Variants in POU6F2 observed in about 807,000 individuals in gnomAD.
POU6F2 encodes POU class 6 homeobox 2.
POU6F2 carries 31 observed loss-of-function variants against 71.3 expected under a neutral mutation model. The observed-to-expected ratio is 0.43, with a 90% CI of 0.33 to 0.59. The LOEUF (loss-of-function observed/expected upper bound fraction) is 0.59, where lower values mean the gene tolerates loss of function less well. POU6F2 is among the 20% of genes least tolerant of loss of function. POU6F2 has a pLI of 0.04. For synonymous variants in POU6F2, 347 were observed against 355.7 expected (o/e 0.98, Z 0.27); for missense variants, 783 against 856.8 (o/e 0.91, Z 1.07).
chr7:39,314,995 T>C (rs1392653961), intron 4 of POU6F2, among the ~76,000 whole-genome samples: 1 of 152,220 alleles, frequency 6.6e-6, no homozygotes, highest in East Asian at 1.9e-4. Flanking sequence ...ACCTCTGTGG[T>C]CTTACCTGTA....
At chr7:39,285,152 AT>A (rs1784630707) in intron 4 of POU6F2, among the ~76,000 whole-genome samples, 1 of 151,964 alleles carries the variant, frequency 6.6e-6, no homozygotes, top group Non-Finnish European at 1.5e-5. Flanking sequence ...TAATCAACAA[AT>A]TTTTTTCTAA....
At chr7:39,120,929 C>T (rs1792028361) in intron 2 of POU6F2, 1 of 152,102 alleles carries the variant, frequency 6.6e-6, no homozygotes, top group African/African-American at 2.4e-5. Flanking sequence ...CTTGGTGGCT[C>T]TTTCTAGTCC....
At chr7:39,148,431 T>C (rs1362787720) in intron 2 of POU6F2, among the ~76,000 whole-genome samples, 5 of 152,224 alleles carry the variant, frequency 3.3e-5, no homozygotes, top group African/African-American at 1.2e-4. Flanking sequence ...CATAACCATG[T>C]GCTTGTCCCA....
chr7:39,270,689 G>T (rs1435098401), intron 4 of POU6F2, among the ~76,000 whole-genome samples: 1 of 151,958 alleles, frequency 6.6e-6, no homozygotes, highest in African/African-American at 2.4e-5. Flanking sequence ...ATTTTTGCTG[G>T]TCACTATGAG....
chr7:39,329,932 TTATAA>T (rs1358226424), intron 4 of POU6F2, among the ~76,000 whole-genome samples: 2 of 152,234 alleles, frequency 1.3e-5, no homozygotes, highest in East Asian at 3.8e-4. Context: ...GAATTTGCTG[TTATAA>T]TATAAAATGT....
At chr7:39,371,975 A>G (rs979537564) in intron 5 of POU6F2, among the ~76,000 whole-genome samples, 2 of 152,060 alleles carry the variant, frequency 1.3e-5, no homozygotes, top group African/African-American at 4.8e-5. Context: ...GAGTGCAGTG[A>G]TGCAATCATG....
At chr7:39,203,972 T>G (rs73697515) in intron 2 of POU6F2, among the ~76,000 whole-genome samples, 56,614 of 151,888 alleles carry the variant, frequency 0.37, 10,881 homozygotes, top group South Asian at 0.49. Context: ...TACTTAAAGG[T>G]TGCAGCTTCC....
chr7:39,247,841 T>C (rs1460511480), intron 4 of POU6F2, among the ~76,000 whole-genome samples: 1 of 152,176 alleles, frequency 6.6e-6, no homozygotes, highest in Non-Finnish European at 1.5e-5. Flanking sequence ...GGGCAGCTAA[T>C]AGGTAGGACC....
At chr7:39,406,933 A>G (rs1161911707) in intron 6 of POU6F2, among the ~76,000 whole-genome samples, 193 bp downstream of exon 6, 2 of 151,928 alleles carry the variant, frequency 1.3e-5, no homozygotes, top group East Asian at 1.9e-4. Flanking sequence ...TTTTTTTCCT[A>G]CCTCTAGATT....
intron 1 of POU6F2, among the ~76,000 whole-genome samples, chr7:39,005,562 A>C (rs936354964): frequency 1.5e-5 from 2 of 136,894 alleles, no homozygotes; most frequent in Non-Finnish European, 3.3e-5. Context: ...GCATGTGTGC[A>C]CGTGTATGTA....
intron 7 of POU6F2, among the ~76,000 whole-genome samples, chr7:39,450,463 G>C: frequency 6.6e-6 from 1 of 151,802 alleles, no homozygotes; most frequent in Non-Finnish European, 1.5e-5. Context: ...CAGCTTTCCC[G>C]GAGAAGAAAA....
At chr7:39,007,214 T>A (rs1159295019) in intron 1 of POU6F2, among the ~76,000 whole-genome samples, 1 of 152,246 alleles carries the variant, frequency 6.6e-6, no homozygotes, top group East Asian at 1.9e-4. Context: ...GGAATTTTAT[T>A]TGCTATTTTT....
chr7:39,044,834 G>C (rs1790257773), intron 1 of POU6F2, among the ~76,000 whole-genome samples: 1 of 151,882 alleles, frequency 6.6e-6, no homozygotes, highest in Non-Finnish European at 1.5e-5. Flanking sequence ...AGAAGGCTGT[G>C]ATTTTTTTTT....
chr7:39,238,114 G>A (rs941256615), intron 4 of POU6F2, among the ~76,000 whole-genome samples: 3 of 151,984 alleles, frequency 2.0e-5, no homozygotes, highest in South Asian at 2.1e-4. Flanking sequence ...GTTCGCTCAC[G>A]GGTCCCTAAA....
intron 1 of POU6F2, among the ~76,000 whole-genome samples, chr7:38,986,442 G>A (rs1468275113): frequency 1.3e-5 from 2 of 152,044 alleles, no homozygotes; most frequent in African/African-American, 2.4e-5. Flanking sequence ...GGGGCTCTTT[G>A]GTTTGCAATG....
intron 2 of POU6F2, among the ~76,000 whole-genome samples, chr7:39,107,830 G>T (rs945186755): frequency 4.6e-5 from 7 of 152,072 alleles, no homozygotes; most frequent in Admixed American, 3.3e-4. Context: ...CCTCTATTGT[G>T]GGATGCAGCC....
intron 2 of POU6F2, among the ~76,000 whole-genome samples, chr7:39,124,691 C>T (rs917490319): frequency 6.6e-6 from 1 of 152,144 alleles, no homozygotes; most frequent in Non-Finnish European, 1.5e-5. Flanking sequence ...CTGAGTCTTG[C>T]CACAAAACAA....
At chr7:39,399,483 G>A (rs1424476942) in intron 5 of POU6F2, among the ~76,000 whole-genome samples, 1 of 152,176 alleles carries the variant, frequency 6.6e-6, no homozygotes, top group Non-Finnish European at 1.5e-5. Flanking sequence ...GCTGTAATGG[G>A]TCACAGAATA....
chr7:39,195,971 A>G (rs1208993460), intron 2 of POU6F2, among the ~76,000 whole-genome samples: 1 of 152,164 alleles, frequency 6.6e-6, no homozygotes, highest in Non-Finnish European at 1.5e-5. Flanking sequence ...TTCAAAGATT[A>G]TTTAACAGCT....
Sources: gnomAD v4.1 joint callset for allele counts (sites outside exome capture counted in the v4.1 genomes callset) on GRCh38, gnomAD v4.1.1 for gene constraint, MANE v1.5 for transcripts, NCBI Gene and HGNC (gene_info 2026-07-23, HGNC 2026-07-21) for gene names.